ZNF254: variants seen among roughly 807,000 people sequenced by gnomAD.
ZNF254 encodes CTD-2017D11.1.
ZNF254 carries 10 observed loss-of-function variants against 12.4 expected under a neutral mutation model. That is an observed-to-expected ratio of 0.80 (90% confidence interval 0.50 to 1.36). ZNF254 has a LOEUF of 1.36. Ranked by LOEUF, ZNF254 falls within the 40% of genes most tolerant of loss-of-function variation. The probability of loss-of-function intolerance (pLI) is 0.00; values close to 1 mark genes in which losing one functional copy is unlikely to be tolerated. For synonymous variants in ZNF254, 305 were observed against 253.4 expected, an observed-to-expected ratio of 1.20 and a Z score of -1.93; for missense variants, 996 against 763.9, an observed-to-expected ratio of 1.30 and a Z score of -3.58.
Position 24,104,571 on chromosome 19 carries a change from C to T in ZNF254, c.31-1369C>T, listed in dbSNP as rs1341854215. The T allele has an allele frequency of 4.6e-5, 7 of 152,224 alleles. No individual in the cohort carries two copies. The East Asian group carries it at 1.4e-3, about 29-fold the overall frequency. The allele number at this position is 152,224 out of a possible 1,614,324, so 9.4% of individuals were successfully genotyped here. On this transcript the variant is annotated intron_variant, in intron 1 of 3. Coordinates refer to ENST00000357002, the MANE Select transcript of ZNF254 (RefSeq NM_203282.4). Reference sequence around the variant, plus strand: ...TTTCTCCCTAATAAGTTTTTCTTAACTACTTTTAAAAATGCTTATGATAGT... The same window carrying T: ...TTTCTCCCTAATAAGTTTTTCTTAATTACTTTTAAAAATGCTTATGATAGT...
chr19:24,086,949 T>C (rs962590408), upstream of ZNF254, among the ~76,000 whole-genome samples: 13 of 152,262 alleles, frequency 8.5e-5, no homozygotes, highest in South Asian at 2.1e-4. Flanking sequence ...AAAAAAGATA[T>C]AGAATTTTCC....
intron 2 of ZNF254, among the ~76,000 whole-genome samples, chr19:24,053,715 C>T (rs930937209): frequency 6.6e-6 from 1 of 152,162 alleles, no homozygotes; most frequent in Admixed American, 6.5e-5. Context: ...GTTCTAACAC[C>T]TCGATGATGT....
intron 2 of ZNF254, among the ~76,000 whole-genome samples, chr19:24,075,224 G>C (rs1052155821): frequency 2.0e-5 from 3 of 152,090 alleles, no homozygotes; most frequent in African/African-American, 7.2e-5. Flanking sequence ...TTTTGGGGGA[G>C]GGGGTCTCAC....
chr19:24,033,957 T>G (rs2145138890), intron 1 of ZNF254, among the ~76,000 whole-genome samples: 1 of 152,314 alleles, frequency 6.6e-6, no homozygotes, highest in African/African-American at 2.4e-5. Flanking sequence ...CTCCCGAGTC[T>G]CTTTTCTTAA....
At chr19:24,102,772 G>A (rs1973111234) in intron 1 of ZNF254, among the ~76,000 whole-genome samples, 3 of 152,124 alleles carry the variant, frequency 2.0e-5, no homozygotes, top group Admixed American at 2.0e-4. Context: ...AGATATAGTA[G>A]TTGATTCACA....
chr19:24,120,968 G>A (rs1974439118), intron 3 of ZNF254, among the ~76,000 whole-genome samples: 1 of 151,892 alleles, frequency 6.6e-6, no homozygotes, highest in Admixed American at 6.6e-5. Flanking sequence ...GAATCTCCTG[G>A]TCTTTAGTGT....
chr19:24,089,533 G>A (rs1246577988), intron 1 of ZNF254, among the ~76,000 whole-genome samples: 1 of 151,998 alleles, frequency 6.6e-6, no homozygotes, highest in Non-Finnish European at 1.5e-5. Context: ...CTGGGTTTCA[G>A]TACTGTATTG....
Position 24,035,946 on chromosome 19 carries a change from T to C in ZNF254, c.-190+2325T>C, listed in dbSNP as rs1001687165. On this transcript the variant is annotated intron_variant, in intron 1 of 4. Transcript: ENST00000613065. The stretch of plus-strand genomic sequence containing the variant: ...TTAATCACTGCTCTTACCTGCCCAC[T>C]TCATCTTCCACCATGAGTTTTCCTT... Among the ~76,000 whole-genome samples the C allele has an allele frequency of 1.3e-5, 2 of 152,346 alleles. 1 individual carries two copies. The highest frequency in any genetic ancestry group is 6.8e-3 in the Middle Eastern group (2 of 294).
intron 2 of ZNF254, among the ~76,000 whole-genome samples, chr19:24,069,776 C>A (rs1004764287): frequency 2.0e-4 from 31 of 151,844 alleles, no homozygotes; most frequent in African/African-American, 7.2e-4. Context: ...CATGGTAAAA[C>A]CCCATCTCTA....
chr19:24,042,149 A>G (rs376929197), intron 1 of ZNF254, among the ~76,000 whole-genome samples: 4,145 of 115,808 alleles, frequency 0.036, 5 homozygotes, highest in East Asian at 0.056. Flanking sequence ...AGGTTTGTGA[A>G]TGCACCAGTC....
intron 1 of ZNF254, among the ~76,000 whole-genome samples, chr19:24,045,054 G>A (rs780535225): frequency 6.6e-6 from 1 of 152,038 alleles, no homozygotes. Flanking sequence ...TGAGAGAGCC[G>A]GACAGACTCC....
At chr19:24,087,366 G>T in intron 1 of ZNF254, 29 bp downstream of exon 1, 1 of 1,613,272 alleles carries the variant, frequency 6.2e-7, no homozygotes, top group South Asian at 1.1e-5. Context: ...CATCCCGAGA[G>T]AGGGGAGGGG....
intron 3 of ZNF254, among the ~76,000 whole-genome samples, chr19:24,111,278 GA>G (rs1349286831): frequency 6.6e-6 from 1 of 152,108 alleles, no homozygotes; most frequent in Non-Finnish European, 1.5e-5. Context: ...CAAAGGACAT[GA>G]ACTCATCATT....
At chr19:24,104,610 A>G (rs1001619586) in intron 1 of ZNF254, 1 of 152,162 alleles carries the variant, frequency 6.6e-6, no homozygotes, top group Non-Finnish European at 1.5e-5. Flanking sequence ...GGGTGTCTGA[A>G]AAATTTTTCT....
chr19:24,109,725 T>G (rs1161724543), intron 3 of ZNF254, among the ~76,000 whole-genome samples: 2 of 151,152 alleles, frequency 1.3e-5, no homozygotes, highest in Non-Finnish European at 2.9e-5. Flanking sequence ...CTTTTCTTTT[T>G]TTTTTTTTTG....
At chr19:24,093,188 T>C (rs1972494185) in intron 1 of ZNF254, among the ~76,000 whole-genome samples, 2 of 152,156 alleles carry the variant, frequency 1.3e-5, no homozygotes, top group African/African-American at 4.8e-5. Context: ...ATTCTGGACA[T>C]TAGACCTTTG....
chr19:24,047,596 CTTTTTTTTTT>C (rs386388790), intron 2 of ZNF254, among the ~76,000 whole-genome samples: 6 of 107,964 alleles, frequency 5.6e-5, no homozygotes, highest in African/African-American at 2.2e-4. Context: ...TTCATTCTTC[CTTTTTTTTTT>C]TTTTTTTTTG....
intron 2 of ZNF254, among the ~76,000 whole-genome samples, chr19:24,074,029 C>T (rs893114684): frequency 6.6e-6 from 1 of 152,186 alleles, no homozygotes; most frequent in African/African-American, 2.4e-5. Flanking sequence ...CTCAGCACTG[C>T]CCACAGGGAG....
At chr19:24,050,014 C>G (rs1568426931) in intron 2 of ZNF254, among the ~76,000 whole-genome samples, 1 of 152,032 alleles carries the variant, frequency 6.6e-6, no homozygotes, top group Non-Finnish European at 1.5e-5. Flanking sequence ...TGTCATGGCA[C>G]TGCCCTCAGC....
Sources: gnomAD v4.1 joint callset for allele counts (sites outside exome capture counted in the v4.1 genomes callset) on GRCh38, gnomAD v4.1.1 for gene constraint, MANE v1.5 for transcripts, NCBI Gene and HGNC (gene_info 2026-07-23, HGNC 2026-07-21) for gene names.